The following DIXDC1 variants were observed in gnomAD, a reference collection of about 807,000 sequenced individuals.
DIXDC1 encodes the protein DIX domain containing 1.
DIXDC1 carries 64 observed loss-of-function variants against 103.1 expected under a neutral mutation model. The observed-to-expected ratio is 0.62, with a 90% CI of 0.51 to 0.76. DIXDC1 has a LOEUF of 0.76. Ranked by LOEUF, DIXDC1 falls within the 30% of genes least tolerant of loss-of-function variation. DIXDC1 has a pLI of 0.00. For missense variants in DIXDC1, 759 were observed against 834.2 expected, an observed-to-expected ratio of 0.91 and a Z score of 1.11; for synonymous variants, 266 against 298.5, an observed-to-expected ratio of 0.89 and a Z score of 1.12.
chr11:112,015,180 T>C, intron 17 of DIXDC1: 1 of 152,296 alleles, frequency 6.6e-6, no homozygotes, highest in Non-Finnish European at 1.5e-5. Flanking sequence ...CCACCGCGCC[T>C]GGCCAATTAG....
chr11:111,937,242 C>T, upstream of DIXDC1: 2 of 1,216,004 alleles, frequency 1.6e-6, no homozygotes, highest in South Asian at 3.4e-5. Flanking sequence ...CCGGCAGCGC[C>T]GCTCAACCTA....
At position 111,985,272 on chromosome 11, in the gene DIXDC1, A is replaced by G. The variant is rs782759344; in HGVS notation, c.959A>G (p.Glu320Gly). ...LNGSLPEDEQ[E>G]RPLALCEPGV... The stretch of plus-strand genomic sequence containing the variant: ...GGATCCTTACCTGAAGATGAACAGG[A>G]GAGGCCCTTGGCCCTCTGTGAACCA... Residue 320 changes from glutamate (E) to glycine (G), a missense_variant, in exon 8 of 20, where the codon GAG (glutamate) becomes GGG (glycine). Physicochemically the swap from Glu to Gly is moderately conservative, Grantham distance 98 (BLOSUM62 -2). Around this residue, in one of 3 missense-constraint regions of DIXDC1, gnomAD observed 657 missense variants for 727.5 expected, o/e 0.90. Transcript: ENST00000440460. 4 of 1,613,804 alleles carry G rather than the reference A, an allele frequency of 2.5e-6. No homozygotes were observed. Among genetic ancestry groups the G allele is most frequent in the Non-Finnish European group, 2.5e-6 (3 of 1,179,828 alleles).
Position 112,020,814 on chromosome 11 carries a change from T to C in DIXDC1, c.*1778T>C, listed in dbSNP as rs1374732602. Reference sequence around the variant, plus strand: ...TGTAAGTTTACCTGGTCTTTTCCTATTGAAGAATTTTTCATCAGAAACGAC... The same window carrying C: ...TGTAAGTTTACCTGGTCTTTTCCTACTGAAGAATTTTTCATCAGAAACGAC... On this transcript the variant is annotated 3_prime_UTR_variant, in exon 20 of 20. Coordinates refer to ENST00000440460, the MANE Select transcript of DIXDC1 (RefSeq NM_001037954.4). 2 of 152,206 alleles carry C rather than the reference T, an allele frequency of 1.3e-5. No individual in the cohort carries two copies. The highest frequency in any genetic ancestry group is 2.9e-5 in the Non-Finnish European group (2 of 68,044). 9.4% of individuals were successfully genotyped at this position (152,206 alleles called of 1,614,324 possible).
intron 2 of DIXDC1, among the ~76,000 whole-genome samples, chr11:111,931,010 T>G (rs1403632961): frequency 1.3e-5 from 2 of 151,800 alleles, no homozygotes; most frequent in East Asian, 3.9e-4. Flanking sequence ...CCCACCACCA[T>G]GCCCAGCTAA....
chr11:111,994,535 G>A (rs1566549472), intron 14 of DIXDC1, among the ~76,000 whole-genome samples: 1 of 150,268 alleles, frequency 6.7e-6, no homozygotes, highest in Non-Finnish European at 1.5e-5. Context: ...ATGTATATGT[G>A]TGTATATGTA....
At chr11:111,957,255 A>G (rs1209348476) in intron 1 of DIXDC1, among the ~76,000 whole-genome samples, 1 of 152,200 alleles carries the variant, frequency 6.6e-6, no homozygotes, top group Non-Finnish European at 1.5e-5. Context: ...TGTAGGAGGA[A>G]TGGCAGAATT....
At chr11:111,935,368 A>G (rs927573346), upstream of DIXDC1, among the ~76,000 whole-genome samples, 15 of 152,210 alleles carry the variant, frequency 9.9e-5, no homozygotes, top group African/African-American at 3.4e-4. Flanking sequence ...TGATTTCATA[A>G]GTCTTTTTCC....
upstream of DIXDC1, chr11:111,937,127 C>T (rs1340470233): frequency 9.6e-6 from 5 of 519,634 alleles, no homozygotes; most frequent in African/African-American, 3.8e-4. Flanking sequence ...TGCTGCGGCC[C>T]GGGCGGGGGG....
chr11:111,996,677 C>T (rs1860910796), intron 17 of DIXDC1, among the ~76,000 whole-genome samples: 1 of 151,880 alleles, frequency 6.6e-6, no homozygotes, highest in Non-Finnish European at 1.5e-5. Flanking sequence ...ATGGTGAACC[C>T]CATCTCTATT....
chr11:111,990,580 T>A (rs1860676654), intron 10 of DIXDC1, among the ~76,000 whole-genome samples: 1 of 152,230 alleles, frequency 6.6e-6, no homozygotes, highest in South Asian at 2.1e-4. Context: ...TATGGCTGCA[T>A]AGTATTCCAT....
At chr11:111,954,626 C>T (rs1555170398) in intron 1 of DIXDC1, among the ~76,000 whole-genome samples, 1 of 152,132 alleles carries the variant, frequency 6.6e-6, no homozygotes, top group East Asian at 1.9e-4. Context: ...GTTCCTGGAA[C>T]CAGTCCTCTA....
In DIXDC1 at chr11:111,993,692, A is replaced by AC; in HGVS notation, c.1390dup (p.His464ProfsTer16). The AC allele has an allele frequency of 6.2e-7, 1 of 1,614,060 alleles. No homozygotes were observed. Among genetic ancestry groups the AC allele is most frequent in the Non-Finnish European group, 8.5e-7 (1 of 1,179,888 alleles). On this transcript the variant is annotated frameshift_variant, in exon 14 of 20. Coordinates refer to ENST00000440460, the MANE Select transcript of DIXDC1 (RefSeq NM_001037954.4). LOFTEE classifies it high-confidence loss of function. ...AGGTGGATCTAGAGCGAGAGCTAGA[A>AC]CACAAAGATGTCCTCTTGGCTCACT...
At position 112,017,718 on chromosome 11, in the gene DIXDC1, T is replaced by G. The variant is rs1425065435; in HGVS notation, c.1863-59T>G. The G allele has an allele frequency of 1.4e-6, 2 of 1,434,338 alleles. No homozygotes were observed. The highest frequency in any genetic ancestry group is 1.9e-6 in the Non-Finnish European group (2 of 1,040,916). 88.9% of individuals were successfully genotyped at this position (1,434,338 alleles called of 1,614,324 possible). ...CAGGGGGCTGTGTTTAAAGTTAACATCTTATCTTTCCAGCTATTGATCAAC... is the reference window on the plus strand; with the variant it reads ...CAGGGGGCTGTGTTTAAAGTTAACAGCTTATCTTTCCAGCTATTGATCAAC... On this transcript the variant is annotated intron_variant, in intron 18 of 19. Transcript: ENST00000440460. The surrounding 1 kb of genome is among the most constrained non-coding windows in gnomAD (Gnocchi z 4.0).
At chr11:111,995,349 G>C in intron 15 of DIXDC1, 54 bp from the exon 16 acceptor site, 1 of 1,600,330 alleles carries the variant, frequency 6.2e-7, no homozygotes, top group Non-Finnish European at 8.5e-7. Flanking sequence ...TTTAAGCCCA[G>C]TGGTTGGGAA....
At chr11:111,955,833 CAAAAAAAAAAAAAA>C (rs781822030) in intron 1 of DIXDC1, among the ~76,000 whole-genome samples, 1 of 17,668 alleles carries the variant, frequency 5.7e-5, no homozygotes, top group South Asian at 2.1e-3. Context: ...GACTCTAGCT[CAAAAAAAAAAAAAA>C]AAAAAAAAAA....
intron 1 of DIXDC1, among the ~76,000 whole-genome samples, chr11:111,946,358 T>C (rs1450209005): frequency 3.9e-5 from 6 of 152,200 alleles, no homozygotes; most frequent in Admixed American, 3.9e-4. Context: ...TCCGCCCGCC[T>C]TGGCCTCCCA....
chr11:111,940,879 G>T lies in DIXDC1; in HGVS notation c.60+3320G>T, dbSNP rs72645441. Among the ~76,000 whole-genome samples, 244 of 152,292 alleles carry T rather than the reference G, an allele frequency of 1.6e-3. 8 individuals are homozygous for T. In the East Asian group the frequency reaches 0.045, roughly 28 times the overall value. On this transcript the variant is annotated intron_variant, in intron 1 of 19. Coordinates refer to ENST00000440460, the MANE Select transcript of DIXDC1 (RefSeq NM_001037954.4). Reference sequence around the variant, plus strand: ...ATTCTCTGAATTACTGTGTTTGCCAGTCACTGTGCCAGGCTCTGGAAATAC... The same window carrying T: ...ATTCTCTGAATTACTGTGTTTGCCATTCACTGTGCCAGGCTCTGGAAATAC...
chr11:111,983,505 C>A (rs1438344115), intron 7 of DIXDC1, among the ~76,000 whole-genome samples: 3 of 152,094 alleles, frequency 2.0e-5, no homozygotes, highest in Non-Finnish European at 4.4e-5. Context: ...CTTATGAGGC[C>A]TTTTAGATCT....
At chr11:111,978,604 A>G (rs587666063) in intron 5 of DIXDC1, among the ~76,000 whole-genome samples, 1 of 152,290 alleles carries the variant, frequency 6.6e-6, no homozygotes, top group African/African-American at 2.4e-5. Flanking sequence ...TATGGGAGAT[A>G]ACTCTTAGGA....
Sources: allele counts gnomAD v4.1 joint callset (sites outside exome capture counted in the v4.1 genomes callset), GRCh38; gene constraint gnomAD v4.1.1; regional missense constraint gnomAD v4.1.1; non-coding constraint Gnocchi (gnomAD v3.1); transcripts MANE v1.5; gene names NCBI Gene and HGNC (gene_info 2026-07-23, HGNC 2026-07-21).